FBXO42: variants seen among roughly 807,000 people sequenced by gnomAD.
FBXO42 encodes F-box protein 42.
In FBXO42, 12 loss-of-function variants were observed where a neutral mutation model predicts 71.7. The ratio of observed to expected loss-of-function variants is 0.17; its 90% CI spans 0.11 to 0.27. FBXO42 has a LOEUF of 0.27. Ranked by LOEUF, FBXO42 falls within the 10% of genes least tolerant of loss-of-function variation. The pLI, the probability that FBXO42 is intolerant of heterozygous loss-of-function variation, is 1.00. For missense variants in FBXO42, 707 were observed against 911.9 expected, an observed-to-expected ratio of 0.78 and a Z score of 2.89; for synonymous variants, 325 against 327.5, an observed-to-expected ratio of 0.99 and a Z score of 0.08.
chr1:16,257,663 T>C (rs1349214790), intron 4 of FBXO42, among the ~76,000 whole-genome samples: 1 of 152,196 alleles, frequency 6.6e-6, no homozygotes, highest in Non-Finnish European at 1.5e-5. Context: ...AATATCCAGG[T>C]GTCAGTAAAT....
At chr1:16,258,579 A>G (rs1052448462) in intron 4 of FBXO42, among the ~76,000 whole-genome samples, 1 of 151,820 alleles carries the variant, frequency 6.6e-6, no homozygotes, top group African/African-American at 2.4e-5. Context: ...CTGGTCTCGA[A>G]CTCATGGGTT....
intron 1 of FBXO42, among the ~76,000 whole-genome samples, chr1:16,346,215 C>T (rs888781928): frequency 6.6e-6 from 1 of 152,066 alleles, no homozygotes; most frequent in African/African-American, 2.4e-5. Context: ...AACACCCTAC[C>T]TTATTAGAGA....
chr1:16,283,073 T>C (rs555620109), intron 4 of FBXO42, among the ~76,000 whole-genome samples: 1 of 152,106 alleles, frequency 6.6e-6, no homozygotes, highest in East Asian at 1.9e-4. Flanking sequence ...ACAGTTTAGG[T>C]AAGCTTCTCA....
chr1:16,314,841 G>A (rs184214709), intron 2 of FBXO42, among the ~76,000 whole-genome samples: 5 of 150,966 alleles, frequency 3.3e-5, no homozygotes, highest in Admixed American at 2.0e-4. Flanking sequence ...CCGAGATTGC[G>A]CCACTGCACT....
intron 1 of FBXO42, among the ~76,000 whole-genome samples, chr1:16,327,588 C>T (rs2082461933): frequency 6.6e-6 from 1 of 152,152 alleles, no homozygotes; most frequent in Admixed American, 6.6e-5. Context: ...CCAAACCATT[C>T]AATTCTTTAA....
chr1:16,317,370 A>C (rs1285357555), intron 1 of FBXO42, among the ~76,000 whole-genome samples: 1 of 152,078 alleles, frequency 6.6e-6, no homozygotes. Flanking sequence ...GTGAGCAGAG[A>C]TCACTCCGCA....
chr1:16,300,725 G>T (rs2082182842), intron 3 of FBXO42, among the ~76,000 whole-genome samples: 1 of 152,170 alleles, frequency 6.6e-6, no homozygotes, highest in African/African-American at 2.4e-5. Context: ...TGAGCATTGT[G>T]TATGAAACTA....
chr1:16,276,252 C>T (rs2081901475), intron 4 of FBXO42, among the ~76,000 whole-genome samples: 3 of 151,564 alleles, frequency 2.0e-5, no homozygotes, highest in South Asian at 4.2e-4. Flanking sequence ...TGGTGGCATG[C>T]ACCTGTAGTC....
chr1:16,306,575 G>A (rs989472543), intron 2 of FBXO42, among the ~76,000 whole-genome samples: 2 of 152,150 alleles, frequency 1.3e-5, no homozygotes, highest in Admixed American at 6.6e-5. Context: ...TTATGAAAGA[G>A]TATGATAAAA....
intron 4 of FBXO42, among the ~76,000 whole-genome samples, chr1:16,287,101 T>C (rs760156280): frequency 8.5e-5 from 13 of 152,176 alleles, no homozygotes; most frequent in Non-Finnish European, 1.8e-4. Context: ...GCCACACATA[T>C]GTGATACATC....
At chr1:16,295,612 C>T (rs956006595) in intron 3 of FBXO42, among the ~76,000 whole-genome samples, 1 of 152,044 alleles carries the variant, frequency 6.6e-6, no homozygotes, top group African/African-American at 2.4e-5. Context: ...AGGCTAATCT[C>T]GAACTCCTGA....
At chr1:16,266,520 G>A (rs2081775441) in intron 4 of FBXO42, among the ~76,000 whole-genome samples, 1 of 152,176 alleles carries the variant, frequency 6.6e-6, no homozygotes, top group African/African-American at 2.4e-5. Flanking sequence ...TCCACAGGCA[G>A]TATACCAGTC....
chr1:16,282,975 C>T (rs1036847708), intron 4 of FBXO42, among the ~76,000 whole-genome samples: 49 of 146,080 alleles, frequency 3.4e-4, no homozygotes, highest in African/African-American at 1.1e-3. Context: ...AGTGAGACTC[C>T]GTCTCAAAAA....
intron 1 of FBXO42, among the ~76,000 whole-genome samples, chr1:16,350,757 A>AAGAAAGAAAGAAAGAAAG (rs1553156685): frequency 3.6e-4 from 16 of 44,266 alleles, no homozygotes; most frequent in African/African-American, 1.0e-3. Context: ...AAAAAAAAAA[A>AAGAAAGAAAGAAAGAAAG]AAAGAAAGAA....
At position 16,247,611 on chromosome 1, in the gene FBXO42, T is replaced by G. The variant is rs2081547701; in HGVS notation, c.*3059A>C. 1 of 152,228 alleles carries G rather than the reference T, an allele frequency of 6.6e-6. No individual in the cohort carries two copies. 9.4% of individuals were successfully genotyped at this position (152,228 alleles called of 1,614,324 possible). On this transcript the variant is annotated 3_prime_UTR_variant, in exon 10 of 10. Coordinates refer to ENST00000375592, the MANE Select transcript of FBXO42 (RefSeq NM_018994.3). ...CAGTTCCTAGAATAGTTCATGGTTT[T>G]CAGCTGTTGCTGTAAAACTCGAACA...
At chr1:16,338,804 C>CTTTT (rs71574177) in intron 1 of FBXO42, among the ~76,000 whole-genome samples, 1,778 of 80,954 alleles carry the variant, frequency 0.022, 75 homozygotes, top group Non-Finnish European at 0.031. Flanking sequence ...TTCCATTTGT[C>CTTTT]TTTTTTTTTT....
chr1:16,316,183 AAAAAG>A (rs1276158442), intron 1 of FBXO42, among the ~76,000 whole-genome samples: 4 of 151,542 alleles, frequency 2.6e-5, no homozygotes, highest in South Asian at 2.1e-4. Flanking sequence ...AAAAAAAAAA[AAAAAG>A]AAAGAAAGAA....
intron 2 of FBXO42, among the ~76,000 whole-genome samples, chr1:16,311,499 AAAAAATATATAT>A (rs1410045784): frequency 1.9e-4 from 13 of 68,708 alleles, no homozygotes; most frequent in Admixed American, 6.8e-4. Flanking sequence ...AAAAAAAAAA[AAAAAATATATAT>A]ATATATATAT....
At chr1:16,305,577 G>A (rs1019898437) in intron 3 of FBXO42, among the ~76,000 whole-genome samples, 4 of 152,122 alleles carry the variant, frequency 2.6e-5, no homozygotes, top group Admixed American at 2.6e-4. Context: ...AACCAGGTGT[G>A]ATGGGGCACG....
Sources: gnomAD v4.1 joint callset for allele counts (sites outside exome capture counted in the v4.1 genomes callset) on GRCh38, gnomAD v4.1.1 for gene constraint, MANE v1.5 for transcripts, NCBI Gene and HGNC (gene_info 2026-07-23, HGNC 2026-07-21) for gene names.